The following CADM2 variants were observed in gnomAD, a reference collection of about 807,000 sequenced individuals.
CADM2 encodes immunoglobulin superfamily member 4D.
Under a neutral mutation model 49.8 loss-of-function variants are expected in CADM2, and 12 were observed. The ratio of observed to expected loss-of-function variants is 0.24; its 90% CI spans 0.15 to 0.39. CADM2 has a LOEUF of 0.39. Ranked by LOEUF, CADM2 falls within the 10% of genes least tolerant of loss-of-function variation. The pLI is 1.00. For missense variants in CADM2, 378 were observed against 492.3 expected, an observed-to-expected ratio of 0.77 and a Z score of 2.20; for synonymous variants, 214 against 175.4, an observed-to-expected ratio of 1.22 and a Z score of -1.74.
intron 8 of CADM2, chr3:85,979,140 T>C (rs1727153816): frequency 1.9e-6 from 3 of 1,604,302 alleles, no homozygotes; most frequent in Non-Finnish European, 2.6e-6. Flanking sequence ...ATGATTTTGT[T>C]TATATTTTTT....
At chr3:85,379,107 T>G (rs145105992) in intron 1 of CADM2, among the ~76,000 whole-genome samples, 1 of 152,052 alleles carries the variant, frequency 6.6e-6, no homozygotes. Flanking sequence ...CGTGGGTTAG[T>G]AACTTCTCAT....
chr3:85,772,537 C>A (rs1254786073), intron 2 of CADM2, among the ~76,000 whole-genome samples: 2 of 152,042 alleles, frequency 1.3e-5, no homozygotes, highest in African/African-American at 4.8e-5. Context: ...AATTTCACTT[C>A]TTTTGGCACT....
rs113998269 is a variant in CADM2 at position 85,807,550 on chromosome 3, G to A, written c.238+5354G>A. Among the ~76,000 whole-genome samples the A allele has an allele frequency of 4.1e-3, 610 of 150,068 alleles. 3 individuals are homozygous for A. The highest frequency in any genetic ancestry group is 0.014 in the African/African-American group (584 of 40,810). ...AAGACAGAAGAATATATTATAATCAGCATTGTCCACGAGAACATTCCATGA... is the reference window on the plus strand; with the variant it reads ...AAGACAGAAGAATATATTATAATCAACATTGTCCACGAGAACATTCCATGA... On this transcript the variant is annotated intron_variant, in intron 3 of 9. Transcript: ENST00000383699.
At chr3:84,980,416 A>C (rs1040106443) in intron 1 of CADM2, among the ~76,000 whole-genome samples, 1 of 149,644 alleles carries the variant, frequency 6.7e-6, no homozygotes, top group African/African-American at 2.4e-5. Flanking sequence ...ATATTAACAG[A>C]TAGAAGAGTT....
intron 1 of CADM2, among the ~76,000 whole-genome samples, chr3:85,353,664 A>G (rs1297885560): frequency 1.3e-5 from 2 of 151,668 alleles, no homozygotes; most frequent in African/African-American, 4.8e-5. Context: ...GTTACATAAT[A>G]TTGCTACATC....
At chr3:85,272,230 A>T (rs2106849207) in intron 1 of CADM2, among the ~76,000 whole-genome samples, 1 of 151,448 alleles carries the variant, frequency 6.6e-6, no homozygotes, top group Non-Finnish European at 1.5e-5. Flanking sequence ...GAGGGAAAAG[A>T]AAATCCTTTC....
intron 3 of CADM2, among the ~76,000 whole-genome samples, chr3:85,865,840 G>A (rs2075702837): frequency 6.6e-6 from 1 of 152,118 alleles, no homozygotes; most frequent in East Asian, 1.9e-4. Context: ...CATAGACATG[G>A]ATAAACCTGA....
intron 2 of CADM2, among the ~76,000 whole-genome samples, chr3:85,747,329 A>G (rs539057294): frequency 6.6e-6 from 1 of 152,280 alleles, no homozygotes; most frequent in East Asian, 1.9e-4. Flanking sequence ...ATGATCACCT[A>G]TGAATAGTTA....
intron 3 of CADM2, among the ~76,000 whole-genome samples, chr3:85,843,367 C>G (rs1355232440): frequency 6.6e-6 from 1 of 152,018 alleles, no homozygotes; most frequent in Non-Finnish European, 1.5e-5. Context: ...TTCTCTCTCT[C>G]TCTTTCCTCC....
At chr3:85,898,955 ATTTT>A (rs35857247) in intron 5 of CADM2, among the ~76,000 whole-genome samples, 64 of 33,876 alleles carry the variant, frequency 1.9e-3, no homozygotes, top group African/African-American at 7.9e-3. Context: ...ATATATATAT[ATTTT>A]TTTTTTTTTT....
At chr3:85,474,391 G>A (rs2038895098) in intron 1 of CADM2, among the ~76,000 whole-genome samples, 2 of 151,806 alleles carry the variant, frequency 1.3e-5, no homozygotes, top group African/African-American at 4.8e-5. Flanking sequence ...CACCTGACTC[G>A]ATGAGGCCTA....
At chr3:85,105,710 A>T (rs979818853) in intron 1 of CADM2, among the ~76,000 whole-genome samples, 2 of 152,206 alleles carry the variant, frequency 1.3e-5, no homozygotes, top group African/African-American at 4.8e-5. Context: ...TCCAACAATG[A>T]TAGACTGGAT....
intron 3 of CADM2, among the ~76,000 whole-genome samples, chr3:85,844,696 T>G (rs2074798456): frequency 6.6e-6 from 1 of 152,186 alleles, no homozygotes; most frequent in Non-Finnish European, 1.5e-5. Context: ...GAATCTAGTC[T>G]CCTAATAATT....
intron 1 of CADM2, among the ~76,000 whole-genome samples, chr3:85,191,711 A>G (rs2041212982): frequency 6.6e-6 from 1 of 152,144 alleles, no homozygotes; most frequent in African/African-American, 2.4e-5. Flanking sequence ...TGAGTGTATT[A>G]ATGTTCCATC....
chr3:85,018,025 A>T (rs532058957), intron 1 of CADM2, among the ~76,000 whole-genome samples: 1 of 152,292 alleles, frequency 6.6e-6, no homozygotes, highest in East Asian at 1.9e-4. Context: ...AATCTCTATC[A>T]GTTTTTTCAA....
chr3:85,718,605 A>G (rs900173897), intron 1 of CADM2, among the ~76,000 whole-genome samples: 1 of 152,170 alleles, frequency 6.6e-6, no homozygotes, highest in Non-Finnish European at 1.5e-5. Flanking sequence ...AAGCAAAAGG[A>G]ATAAATATAG....
chr3:85,118,045 G>A (rs1204700274), intron 1 of CADM2, among the ~76,000 whole-genome samples: 3 of 151,604 alleles, frequency 2.0e-5, no homozygotes, highest in South Asian at 2.1e-4. Context: ...ACTTCTCTTC[G>A]AACTCTTCCC....
chr3:85,103,581 C>G (rs1479754901), intron 1 of CADM2, among the ~76,000 whole-genome samples: 2 of 152,076 alleles, frequency 1.3e-5, no homozygotes, highest in Non-Finnish European at 2.9e-5. Flanking sequence ...CACAGAATAA[C>G]CGAATGGGAG....
At chr3:85,474,654 A>C (rs1442323316) in intron 1 of CADM2, among the ~76,000 whole-genome samples, 1 of 151,906 alleles carries the variant, frequency 6.6e-6, no homozygotes, top group African/African-American at 2.4e-5. Context: ...TTATATCATT[A>C]ATTATCTAGT....
Sources: gnomAD v4.1 joint callset for allele counts (sites outside exome capture counted in the v4.1 genomes callset) on GRCh38, gnomAD v4.1.1 for gene constraint, MANE v1.5 for transcripts, NCBI Gene and HGNC (gene_info 2026-07-23, HGNC 2026-07-21) for gene names.